Variants in CALN1 observed in about 807,000 individuals in gnomAD.
CALN1 encodes calcium-binding protein 8.
In CALN1, 17 loss-of-function variants were observed where a neutral mutation model predicts 30.6. The ratio of observed to expected loss-of-function variants is 0.56; its 90% CI spans 0.38 to 0.83. The LOEUF (loss-of-function observed/expected upper bound fraction) is 0.83. CALN1 is among the 40% of genes least tolerant of loss of function. CALN1 has a pLI of 0.00. For synonymous variants in CALN1, 156 were observed against 131.4 expected, an observed-to-expected ratio of 1.19 and a Z score of -1.28; for missense variants, 291 against 354.9, an observed-to-expected ratio of 0.82 and a Z score of 1.45.
At chr7:72,284,452 T>A (rs1042525617) in intron 2 of CALN1, among the ~76,000 whole-genome samples, 5 of 152,144 alleles carry the variant, frequency 3.3e-5, no homozygotes, top group Non-Finnish European at 2.9e-5. Context: ...TCTGTGAGGG[T>A]GTTGCTGGAT....
intron 2 of CALN1, among the ~76,000 whole-genome samples, chr7:72,283,908 T>C (rs1481463264): frequency 6.6e-6 from 1 of 152,156 alleles, no homozygotes; most frequent in Non-Finnish European, 1.5e-5. Context: ...TGAATTGTCA[T>C]ATCAAAGAAA....
chr7:71,810,294 C>A, intron 6 of CALN1, 42 bp downstream of exon 6: 2 of 1,598,514 alleles, frequency 1.3e-6, no homozygotes, highest in Non-Finnish European at 1.7e-6. Flanking sequence ...GGTGCATTGG[C>A]CTGTCCCGGA....
At chr7:71,842,346 T>G (rs1789986611) in intron 5 of CALN1, among the ~76,000 whole-genome samples, 1 of 152,216 alleles carries the variant, frequency 6.6e-6, no homozygotes, top group African/African-American at 2.4e-5. Context: ...TCCAATTCAC[T>G]GGATGCTCCT....
intron 5 of CALN1, among the ~76,000 whole-genome samples, chr7:71,847,805 AAGAAGGAGAAGGAGAAGG>A (rs759149826): frequency 8.0e-5 from 10 of 124,422 alleles, no homozygotes; most frequent in Non-Finnish European, 1.5e-4. Flanking sequence ...AAAAGAAGAA[AAGAAGGAGAAGGAGAAGG>A]AGAAGGAGAA....
At chr7:72,479,606 G>A in the CALN1 span, among the ~76,000 whole-genome samples, 1 of 141,710 alleles carries the variant, frequency 7.1e-6, no homozygotes. Context: ...AGACTGGATT[G>A]CAATGGCGTG....
chr7:71,805,128 TG>T (rs1208073160), intron 6 of CALN1, among the ~76,000 whole-genome samples: 6 of 152,164 alleles, frequency 3.9e-5, no homozygotes, highest in African/African-American at 1.4e-4. Context: ...CCCAGCCCTC[TG>T]ATGTGGGATT....
intron 5 of CALN1, among the ~76,000 whole-genome samples, chr7:71,811,262 CAG>C (rs1272449451): frequency 1.3e-5 from 2 of 151,940 alleles, no homozygotes; most frequent in East Asian, 3.9e-4. Context: ...GGCTGGAGTC[CAG>C]TGGTGTGATC....
intron 4 of CALN1, among the ~76,000 whole-genome samples, chr7:72,076,892 T>C (rs1012005922): frequency 6.6e-6 from 1 of 152,190 alleles, no homozygotes; most frequent in Non-Finnish European, 1.5e-5. Context: ...TCCAGTATCC[T>C]TTCTCTCTCT....
At chr7:72,290,722 T>C (rs555388263) in intron 2 of CALN1, among the ~76,000 whole-genome samples, 25 of 152,320 alleles carry the variant, frequency 1.6e-4, no homozygotes, top group Admixed American at 5.9e-4. Flanking sequence ...AGAAGTAATC[T>C]CCTCAAATTA....
Position 72,441,668 on chromosome 7 carries a change from G to A in CALN1, c.-226+5374C>T, listed in dbSNP as rs575006040. 1.5e-4 allele frequency among the ~76,000 whole-genome samples: 22 copies of A among 151,452 alleles called. No homozygotes were observed. In the South Asian group the frequency reaches 4.0e-3, roughly 28 times the overall value. On this transcript the variant is annotated intron_variant, in intron 1 of 6. Coordinates refer to the CALN1 transcript ENST00000395276. Reference sequence around the variant, plus strand: ...TCTTGGTCCCAGGAGAGACGAGGACGTAGAATGTACAAACAGGGCGAATCG... The same window carrying A: ...TCTTGGTCCCAGGAGAGACGAGGACATAGAATGTACAAACAGGGCGAATCG...
intron 2 of CALN1, among the ~76,000 whole-genome samples, chr7:72,338,984 C>T (rs1802260597): frequency 7.0e-6 from 1 of 142,558 alleles, no homozygotes. Flanking sequence ...CCCTTCCCAA[C>T]CTCTGGTAAC....
chr7:72,497,804 G>T, the CALN1 span, among the ~76,000 whole-genome samples: 9 of 152,070 alleles, frequency 5.9e-5, no homozygotes, highest in East Asian at 1.9e-4. Context: ...AAAATGTGAC[G>T]ACTAATAAAT....
chr7:72,407,497 C>T (rs1806783785), intron 1 of CALN1, among the ~76,000 whole-genome samples: 1 of 152,134 alleles, frequency 6.6e-6, no homozygotes, highest in South Asian at 2.1e-4. Context: ...CTGGTTGTTG[C>T]AAGTGTGTGC....
intron 2 of CALN1, among the ~76,000 whole-genome samples, chr7:72,364,770 C>T (rs1378848512): frequency 6.6e-6 from 1 of 152,204 alleles, no homozygotes; most frequent in African/African-American, 2.4e-5. Flanking sequence ...TATATCAAAA[C>T]ATCACACTGT....
chr7:72,153,544 G>A (rs968387305), intron 3 of CALN1, among the ~76,000 whole-genome samples: 2 of 151,508 alleles, frequency 1.3e-5, no homozygotes, highest in African/African-American at 4.8e-5. Flanking sequence ...AATAGCCAAG[G>A]ATGGTGGTAT....
the CALN1 span, among the ~76,000 whole-genome samples, chr7:72,498,816 GATAA>G: frequency 6.6e-6 from 1 of 150,720 alleles, no homozygotes; most frequent in Admixed American, 6.6e-5. Context: ...TCCTCATTAT[GATAA>G]ATAAAGCACT....
At chr7:72,048,793 CT>C (rs1221389371) in intron 4 of CALN1, among the ~76,000 whole-genome samples, 1 of 150,286 alleles carries the variant, frequency 6.7e-6, no homozygotes, top group Non-Finnish European at 1.5e-5. Flanking sequence ...TTCCTCCTTC[CT>C]TTTTTCCTTC....
intron 2 of CALN1, among the ~76,000 whole-genome samples, chr7:72,289,427 C>A (rs1002301865): frequency 1.3e-5 from 2 of 152,188 alleles, no homozygotes; most frequent in African/African-American, 4.8e-5. Context: ...AAAGCTCTTA[C>A]ACAAAATTTG....
intron 1 of CALN1, among the ~76,000 whole-genome samples, chr7:72,429,204 C>T (rs528128216): frequency 2.6e-5 from 4 of 152,158 alleles, no homozygotes; most frequent in Non-Finnish European, 5.9e-5. Context: ...TGGACACCAA[C>T]CTCAAGTGGA....
Sources: gnomAD v4.1 joint callset for allele counts (sites outside exome capture counted in the v4.1 genomes callset) on GRCh38, gnomAD v4.1.1 for gene constraint, MANE v1.5 for transcripts, NCBI Gene and HGNC (gene_info 2026-07-23, HGNC 2026-07-21) for gene names.